Variants in THAP4 observed in about 807,000 individuals in gnomAD.
THAP4 encodes the protein peroxynitrite isomerase THAP4.
Under a neutral mutation model 48.1 loss-of-function variants are expected in THAP4, and 18 were observed. The observed-to-expected ratio is 0.37, with a 90% confidence interval of 0.26 to 0.56. The LOEUF (loss-of-function observed/expected upper bound fraction) is 0.56, where lower values mean the gene tolerates loss of function less well. Among genes scored for constraint, THAP4 ranks in the 20% least tolerant of loss-of-function variants. The pLI is 0.78. For synonymous variants in THAP4, 345 were observed against 324.9 expected (o/e 1.06, Z -0.66); for missense variants, 656 against 774.9 (o/e 0.85, Z 1.82).
intron 2 of THAP4, among the ~76,000 whole-genome samples, chr2:241,618,968 G>A (rs1167073071): frequency 2.0e-5 from 3 of 152,208 alleles, no homozygotes; most frequent in Non-Finnish European, 4.4e-5. Flanking sequence ...AGCTGGGAAG[G>A]GCATTTCACT....
In THAP4 at chr2:241,603,051, T is replaced by C; in HGVS notation, c.1429A>G (p.Lys477Glu). Residue 477 changes from lysine to glutamate, a missense_variant, in exon 4 of 6, where the codon AAG becomes GAG. Physicochemically the swap from Lys to Glu is moderately conservative, Grantham distance 56. Transcript: ENST00000407315. ...AAGCCACACTCTCTGTGCATCGGCT[T>C]GCGCGTGTCCGGGTGGAAGGAGTTG... The part of the protein sequence containing the change: ...SFNSFHPDTR[K>E]PMHRECGFIR... 1 of 1,614,048 alleles carries C rather than the reference T, an allele frequency of 6.2e-7. No homozygotes were observed. The highest frequency in any genetic ancestry group is 8.5e-7 in the Non-Finnish European group (1 of 1,179,956).
rs1162881176 is a variant in THAP4 at position 241,633,603 on chromosome 2, C to T, written c.554G>A (p.Gly185Asp). 1 of 1,613,256 alleles carries T rather than the reference C, an allele frequency of 6.2e-7. No homozygotes were observed. Among genetic ancestry groups the T allele is most frequent in the African/African-American group, 1.3e-5 (1 of 74,916 alleles). ...AGACGCTTCTGCTTTTCCCTGACTG[C>T]CTGCCACCATGGTGGCCAGTCCATC... is the stretch of plus-strand genomic sequence containing the variant. ...PGDGLATMVA[G>D]SQGKAEASAT... Residue 185 changes from glycine to aspartate, a missense_variant, in exon 2 of 6, where the codon GGC (glycine) becomes GAC (aspartate). Gly to Asp is a moderately conservative substitution (Grantham distance 94, BLOSUM62 -1). Coordinates refer to ENST00000407315, the MANE Select transcript of THAP4 (RefSeq NM_015963.6). The surrounding 1 kb of genome is among the most constrained non-coding windows in gnomAD (Gnocchi z 7.5).
chr2:241,609,581 G>GT (rs764739154), intron 2 of THAP4, among the ~76,000 whole-genome samples: 11 of 152,206 alleles, frequency 7.2e-5, no homozygotes, highest in African/African-American at 1.7e-4. Flanking sequence ...CAGGTCAGGA[G>GT]TTTGAGACCA....
chr2:241,619,978 C>T (rs866414604), intron 2 of THAP4, among the ~76,000 whole-genome samples: 3 of 38,090 alleles, frequency 7.9e-5, no homozygotes, highest in Admixed American at 6.4e-4. Flanking sequence ...GTGAGTGAGT[C>T]GGTGAGTGAG....
intron 2 of THAP4, among the ~76,000 whole-genome samples, chr2:241,609,758 G>C (rs997524067): frequency 2.6e-5 from 4 of 151,554 alleles, no homozygotes; most frequent in African/African-American, 9.7e-5. Flanking sequence ...CTGCTCTCCA[G>C]CCTGGGCGAC....
At chr2:241,605,043 C>A (rs1294965940) in intron 3 of THAP4, among the ~76,000 whole-genome samples, 2 of 152,202 alleles carry the variant, frequency 1.3e-5, no homozygotes, top group Non-Finnish European at 2.9e-5. Flanking sequence ...ATGCTAGTCA[C>A]AAAATTGACT....
At position 241,602,064 on chromosome 2, in the gene THAP4, C is replaced by G. The variant is rs1014958117; in HGVS notation, c.1511-65G>C. ...GGCTTGCAGAGAGGCAGCCTTGACTCTCCTTGCCTGCAAGCCGGGACTCCA... is the reference window on the plus strand; with the variant it reads ...GGCTTGCAGAGAGGCAGCCTTGACTGTCCTTGCCTGCAAGCCGGGACTCCA... On this transcript the variant is annotated intron_variant, in intron 4 of 5. Coordinates refer to ENST00000407315, the MANE Select transcript of THAP4 (RefSeq NM_015963.6). 3.1e-5 allele frequency: 48 copies of G among 1,534,922 alleles called. 1 individual carries two copies. The Admixed American group carries it at 8.3e-4, about 27-fold the overall frequency.
In THAP4 at chr2:241,633,005, G is replaced by A; in HGVS notation, c.1152C>T (p.Asp384=). ...KSLRQRVSRS[D]SQVRKLQEKL... ...TCTCCTGTAGCTTCCGCACCTGGCTGTCGGAGCGGCTGACCCTCTGCCGCA... is the reference window on the plus strand; with the variant it reads ...TCTCCTGTAGCTTCCGCACCTGGCTATCGGAGCGGCTGACCCTCTGCCGCA... Residue 384 remains aspartate, a synonymous_variant, in exon 2 of 6, where the codon GAC becomes GAT. Coordinates refer to ENST00000407315, the MANE Select transcript of THAP4 (RefSeq NM_015963.6). The surrounding 1 kb of genome is among the most constrained non-coding windows in gnomAD (Gnocchi z 7.5). 1 of 1,613,738 alleles carries A rather than the reference G, an allele frequency of 6.2e-7. No homozygotes were observed. Among genetic ancestry groups the A allele is most frequent in the South Asian group, 1.1e-5 (1 of 91,042 alleles).
intron 2 of THAP4, among the ~76,000 whole-genome samples, chr2:241,620,533 C>T (rs151146401): frequency 7.9e-5 from 8 of 100,764 alleles, no homozygotes; most frequent in African/African-American, 2.9e-4. Context: ...GTGAGTGAGT[C>T]GGTGACTGAG....
chr2:241,595,668 A>C (rs2067038514), intron 5 of THAP4, among the ~76,000 whole-genome samples: 1 of 151,824 alleles, frequency 6.6e-6, no homozygotes, highest in Non-Finnish European at 1.5e-5. Flanking sequence ...AATACATGAG[A>C]CATGCTGAGT....
chr2:241,595,798 A>G (rs1559219233), intron 5 of THAP4, among the ~76,000 whole-genome samples: 2 of 152,164 alleles, frequency 1.3e-5, no homozygotes, highest in East Asian at 1.9e-4. Flanking sequence ...AGAGGGTGAC[A>G]TGAGAATCTG....
At chr2:241,632,123 T>TG (rs1405695797) in intron 2 of THAP4, among the ~76,000 whole-genome samples, 5 of 151,538 alleles carry the variant, frequency 3.3e-5, no homozygotes, top group African/African-American at 1.2e-4. Flanking sequence ...GACAGAGTCT[T>TG]ATTCTGTCAC....
At chr2:241,617,448 AG>A in intron 2 of THAP4, 1 of 1,551,312 alleles carries the variant, frequency 6.4e-7, no homozygotes, top group Admixed American at 2.0e-5. Context: ...ACACTCGTCA[AG>A]GTTCCTCAAG....
In THAP4 at chr2:241,637,077, G is replaced by T; in HGVS notation, c.-60C>A. The T allele has an allele frequency of 9.3e-7, 1 of 1,074,536 alleles. No homozygotes were observed. Among genetic ancestry groups the T allele is most frequent in the Non-Finnish European group, 1.1e-6 (1 of 886,762 alleles). The allele number at this position is 1,074,536 out of a possible 1,614,324, so 66.6% of individuals were successfully genotyped here. ...GGCCCTAGCCGCCCGCCCGCCCGCG[G>T]ACCGCCCCGAGGGAGGGAGCGCGGC... On this transcript the variant is annotated 5_prime_UTR_variant, in exon 1 of 6. Coordinates refer to ENST00000407315, the MANE Select transcript of THAP4 (RefSeq NM_015963.6).
At chr2:241,597,991 AC>A (rs1180481028) in intron 5 of THAP4, among the ~76,000 whole-genome samples, 1 of 151,296 alleles carries the variant, frequency 6.6e-6, no homozygotes, top group African/African-American at 2.4e-5. Flanking sequence ...AAAAAAAAAA[AC>A]AAAAAACCCT....
intron 2 of THAP4, among the ~76,000 whole-genome samples, chr2:241,611,238 T>C (rs903527931): frequency 6.6e-6 from 1 of 152,040 alleles, no homozygotes; most frequent in Non-Finnish European, 1.5e-5. Context: ...AGCCCTGGAC[T>C]TGGGAAGCCT....
chr2:241,601,878 G>A lies in THAP4; in HGVS notation c.1614+18C>T. ...CAAACAGAAGACAGGAGCGTGCTGG[G>A]AGCAGGGCTGGGCTCACCTGCTCTA... On this transcript the variant is annotated intron_variant, in intron 5 of 5. Coordinates refer to ENST00000407315, the MANE Select transcript of THAP4 (RefSeq NM_015963.6). This position sits in a 1 kb window ranked among gnomAD's most constrained non-coding sequence, Gnocchi z 4.0. 1.9e-6 allele frequency: 3 copies of A among 1,613,728 alleles called. No homozygotes were observed. The highest frequency in any genetic ancestry group is 1.7e-6 in the Non-Finnish European group (2 of 1,179,966).
rs1336177463 is a variant in THAP4, at chr2:241,610,442, T to G, written c.1241-3969A>C. On this transcript the variant is annotated intron_variant, in intron 2 of 5. Transcript: ENST00000407315. The surrounding 1 kb of genome is among the most constrained non-coding windows in gnomAD (Gnocchi z 4.2). The stretch of plus-strand genomic sequence containing the variant: ...GCGGAGGCTGGGCGGCGCTGGGCGG[T>G]GGGGCGCGCTCACTGGCTGCCACCT... 6.6e-6 allele frequency among the ~76,000 whole-genome samples: 1 copy of G among 152,076 alleles called. No homozygotes were observed. The highest frequency in any genetic ancestry group is 2.4e-5 in the African/African-American group (1 of 41,414).
At position 241,602,095 on chromosome 2, in the gene THAP4, G is replaced by A. The variant is rs2067121988; in HGVS notation, c.1511-96C>T. The stretch of plus-strand genomic sequence containing the variant: ...GCCTGCAAGCCGGGACTCCACAGGA[G>A]GCCCCAACTCTGCAGCTGTGGAAGC... On this transcript the variant is annotated intron_variant, in intron 4 of 5. Transcript: ENST00000407315. 3 of 1,205,140 alleles carry A rather than the reference G, an allele frequency of 2.5e-6. No individual in the cohort carries two copies. The Admixed American group carries it at 6.2e-5, about 25-fold the overall frequency. The allele number at this position is 1,205,140 out of a possible 1,614,324, so 74.7% of individuals were successfully genotyped here.
Sources: allele counts gnomAD v4.1 joint callset (sites outside exome capture counted in the v4.1 genomes callset), GRCh38; gene constraint gnomAD v4.1.1; non-coding constraint Gnocchi (gnomAD v3.1); transcripts MANE v1.5; gene names NCBI Gene and HGNC (gene_info 2026-07-23, HGNC 2026-07-21).